GAREM2: variants seen among roughly 807,000 people sequenced by gnomAD.
GAREM2 encodes the protein GRB2 associated regulator of MAPK1 subtype 2.
A neutral mutation model predicts 55.6 loss-of-function variants in GAREM2; 30 were observed. The observed-to-expected ratio is 0.54, with a 90% CI of 0.40 to 0.73. GAREM2 has a LOEUF of 0.73. Ranked by LOEUF, GAREM2 falls within the 30% of genes least tolerant of loss-of-function variation. The probability of loss-of-function intolerance (pLI) is 0.00; values close to 1 mark genes in which losing one functional copy is unlikely to be tolerated. For missense variants in GAREM2, 1,075 were observed against 1,257.7 expected (o/e 0.85, Z 2.20); for synonymous variants, 550 against 569.1 (o/e 0.97, Z 0.48).
chr2:26,196,127 T>A, the GAREM2 span, among the ~76,000 whole-genome samples: 1 of 152,218 alleles, frequency 6.6e-6, no homozygotes, highest in African/African-American at 2.4e-5. Context: ...TACAACCCTA[T>A]GAACTGGTCA....
In GAREM2 at chr2:26,179,977, A is replaced by G. The variant is rs11685594; in HGVS notation, c.254-2990A>G. Reference sequence around the variant, plus strand: ...GGGAGGAGGCGGGAGTGAGGGGAGGAGGCTACTCAGTGCCTGCAGTTCCTG... The same window carrying G: ...GGGAGGAGGCGGGAGTGAGGGGAGGGGGCTACTCAGTGCCTGCAGTTCCTG... On this transcript the variant is annotated intron_variant, in intron 2 of 5. Coordinates refer to ENST00000401533, the MANE Select transcript of GAREM2 (RefSeq NM_001168241.2). The surrounding 1 kb of genome is among the most constrained non-coding windows in gnomAD (Gnocchi z 4.7). Among the ~76,000 whole-genome samples, 125,096 of 151,838 alleles carry G rather than the reference A, an allele frequency of 0.82. 51,976 individuals are homozygous for G. The highest frequency in any genetic ancestry group is 0.95 in the African/African-American group (39,226 of 41,448).
chr2:26,193,431 T>G (rs2147751779), downstream of GAREM2: 1 of 785,830 alleles, frequency 1.3e-6, no homozygotes, highest in African/African-American at 1.7e-5. Context: ...ACCTGACTCA[T>G]AAAATCATTT....
chr2:26,186,430 T>C (rs1669262257), intron 5 of GAREM2, 72 bp downstream of exon 5: 14 of 1,399,696 alleles, frequency 1.0e-5, no homozygotes, highest in Middle Eastern at 3.5e-4. Flanking sequence ...GAGGGGGAAC[T>C]ACAGTGCTGA....
At chr2:26,202,623 C>T in the GAREM2 span, among the ~76,000 whole-genome samples, 1 of 152,220 alleles carries the variant, frequency 6.6e-6, no homozygotes, top group Non-Finnish European at 1.5e-5. Context: ...TGCCTGTAGT[C>T]TCAGCTATTC....
At chr2:26,182,529 A>T (rs1268254628) in intron 2 of GAREM2, 1 of 1,535,174 alleles carries the variant, frequency 6.5e-7, no homozygotes. Context: ...ACCCCCTCAG[A>T]TGAGGACCCA....
the GAREM2 span, among the ~76,000 whole-genome samples, chr2:26,198,255 C>A: frequency 6.6e-6 from 1 of 152,138 alleles, no homozygotes; most frequent in Admixed American, 6.5e-5. Flanking sequence ...CGGCATACCA[C>A]TATAGTTGCA....
At position 26,184,590 on chromosome 2, in the gene GAREM2, C is replaced by G. The variant is rs866778702; in HGVS notation, c.742C>G (p.Gln248Glu). 1 of 1,548,368 alleles carries G rather than the reference C, an allele frequency of 6.5e-7. No homozygotes were observed. Among genetic ancestry groups the G allele is most frequent in the Non-Finnish European group, 8.7e-7 (1 of 1,146,124 alleles). Residue 248 changes from glutamine (Q) to glutamate (E), a missense_variant, in exon 4 of 6, where the codon CAA (glutamine) becomes GAA (glutamate). Physicochemically the swap from Gln to Glu is conservative, Grantham distance 29 (BLOSUM62 2). Around this residue, in one of 6 missense-constraint regions of GAREM2, gnomAD observed 170 missense variants for 220.7 expected, o/e 0.77. Coordinates refer to ENST00000401533, the MANE Select transcript of GAREM2 (RefSeq NM_001168241.2). Reference sequence around the variant, plus strand: ...TCGCAGCCCGCTGGAGCTGCAGATGCAAGAGGGCGAGCACACGGTGCGCGC... The same window carrying G: ...TCGCAGCCCGCTGGAGCTGCAGATGGAAGAGGGCGAGCACACGGTGCGCGC... ...STRSPLELQMQEGEHTVRAII... is the reference protein window; with the variant it reads ...STRSPLELQMEEGEHTVRAII...
At chr2:26,193,794 G>A (rs1553312069), downstream of GAREM2, 1 of 1,602,400 alleles carries the variant, frequency 6.2e-7, no homozygotes. Flanking sequence ...GCGATGCAGG[G>A]ACCTCAGGGG....
downstream of GAREM2, among the ~76,000 whole-genome samples, chr2:26,192,705 A>G (rs537454841): frequency 5.9e-5 from 9 of 152,230 alleles, no homozygotes; most frequent in South Asian, 1.9e-3. Context: ...ACTGCACTCC[A>G]GCCTGGGCAA....
chr2:26,187,538 C>A lies in GAREM2; in HGVS notation c.1906C>A (p.Pro636Thr), dbSNP rs1008065863. 8 of 1,534,142 alleles carry A rather than the reference C, an allele frequency of 5.2e-6. No homozygotes were observed. Among genetic ancestry groups the A allele is most frequent in the South Asian group, 3.7e-5 (3 of 81,320 alleles). Reference protein sequence around the residue: ...PFGALNPFSGPAYPSGPSAAL... With the variant: ...PFGALNPFSGTAYPSGPSAAL... ...TGGAGCTCTCAACCCTTTTTCCGGGCCTGCCTACCCCTCAGGCCCTTCAGC... is the reference window on the plus strand; with the variant it reads ...TGGAGCTCTCAACCCTTTTTCCGGGACTGCCTACCCCTCAGGCCCTTCAGC... The change falls in exon 6 of 6, where the codon CCT (proline) becomes ACT (threonine). Residue 636 changes from proline (P) to threonine (T), a missense_variant. Pro to Thr is a conservative substitution (Grantham distance 38). This residue lies in a region of GAREM2 where 515 missense variants were observed against 501.5 expected (regional missense o/e 1.03). Coordinates refer to ENST00000401533, the MANE Select transcript of GAREM2 (RefSeq NM_001168241.2).
chr2:26,204,234 T>A, the GAREM2 span: 5 of 1,602,832 alleles, frequency 3.1e-6, no homozygotes, highest in Non-Finnish European at 4.3e-6. Flanking sequence ...GGTAAACTGA[T>A]CTTAATCATT....
chr2:26,173,304 C>T lies in GAREM2; in HGVS notation c.84C>T (p.Arg28=), dbSNP rs2147715755. ...FPLDLIVSRC[R]LPTLACLGPG... is the part of the protein sequence containing the mutation. ...TCGACCTCATCGTCAGCCGCTGCCGCCTGCCCACGCTCGCCTGCCTTGGGC... is the reference window on the plus strand; with the variant it reads ...TCGACCTCATCGTCAGCCGCTGCCGTCTGCCCACGCTCGCCTGCCTTGGGC... Residue 28 remains arginine (R), a synonymous_variant, in exon 1 of 6, where the codon CGC becomes CGT. Transcript: ENST00000401533. The T allele has an allele frequency of 2.8e-6, 4 of 1,434,576 alleles. No homozygotes were observed. Among genetic ancestry groups the T allele is most frequent in the Middle Eastern group, 4.8e-4 (2 of 4,192 alleles). The allele number at this position is 1,434,576 out of a possible 1,614,324, so 88.9% of individuals were successfully genotyped here.
the GAREM2 span, chr2:26,194,718 TTCAAAG>T: frequency 3.0e-5 from 27 of 902,594 alleles, no homozygotes; most frequent in Admixed American, 2.3e-4. Flanking sequence ...CCAGGGTCAC[TTCAAAG>T]TCATTTGAAA....
chr2:26,187,453 C>T lies in GAREM2; in HGVS notation c.1821C>T (p.Thr607=). 2 of 1,548,612 alleles carry T rather than the reference C, an allele frequency of 1.3e-6. No homozygotes were observed. The highest frequency in any genetic ancestry group is 8.7e-7 in the Non-Finnish European group (1 of 1,145,590). The stretch of plus-strand genomic sequence containing the variant: ...TGGGGGCTGACACCCCTGTTAAGAC[C>T]TACCACAGCTGCCCTCCTCTATTCA... ...SLLGADTPVK[T]YHSCPPLFKP... is the part of the protein sequence containing the mutation. Residue 607 remains threonine, a synonymous_variant, in exon 6 of 6, where the codon ACC becomes ACT. Transcript: ENST00000401533.
At position 26,188,553 on chromosome 2, in the gene GAREM2, T is replaced by A. The variant is rs1330019411; in HGVS notation, c.*296T>A. On this transcript the variant is annotated 3_prime_UTR_variant, in exon 6 of 6. Transcript: ENST00000401533. ...TGATTCCCACAACGGGGTCAAAAGCTGGCCTTCAGGGTGACCTAACACCAC... is the reference window on the plus strand; with the variant it reads ...TGATTCCCACAACGGGGTCAAAAGCAGGCCTTCAGGGTGACCTAACACCAC... 3.2e-6 allele frequency: 1 copy of A among 313,968 alleles called. No homozygotes were observed. Among genetic ancestry groups the A allele is most frequent in the Non-Finnish European group, 5.8e-6 (1 of 172,306 alleles). 19.4% of individuals were successfully genotyped at this position (313,968 alleles called of 1,614,324 possible). A position where few individuals can be genotyped will look rare whatever the true frequency, so the allele number is the denominator to read the frequency against.
At chr2:26,182,855 C>T in intron 2 of GAREM2, 112 bp from the exon 3 acceptor site, 1 of 1,365,894 alleles carries the variant, frequency 7.3e-7, no homozygotes, top group Non-Finnish European at 1.0e-6. Flanking sequence ...TCCTGAGTTC[C>T]TGAGGGGCTG....
intron 2 of GAREM2, chr2:26,182,483 G>GTCAGAT (rs1669083595): frequency 6.4e-7 from 1 of 1,550,508 alleles, no homozygotes; most frequent in African/African-American, 1.4e-5. Context: ...TGCACAGGAT[G>GTCAGAT]CCAGATCCAG....
At position 26,187,403 on chromosome 2, in the gene GAREM2, C is replaced by T; in HGVS notation, c.1771C>T (p.Leu591=). Residue 591 remains leucine (L), a synonymous_variant, in exon 6 of 6, where the codon CTG becomes TTG. Coordinates refer to ENST00000401533, the MANE Select transcript of GAREM2 (RefSeq NM_001168241.2). ...SQASRALTEP[L]SGRAASLLGA... Reference sequence around the variant, plus strand: ...GGCCTCCCGGGCCCTCACAGAGCCTCTGAGCGGTCGAGCCGCCTCCCTTCT... The same window carrying T: ...GGCCTCCCGGGCCCTCACAGAGCCTTTGAGCGGTCGAGCCGCCTCCCTTCT... 1 of 1,547,734 alleles carries T rather than the reference C, an allele frequency of 6.5e-7. No homozygotes were observed. The highest frequency in any genetic ancestry group is 8.7e-7 in the Non-Finnish European group (1 of 1,145,056).
intron 2 of GAREM2, among the ~76,000 whole-genome samples, chr2:26,180,449 G>C (rs1432971767): frequency 6.6e-6 from 1 of 152,166 alleles, no homozygotes; most frequent in African/African-American, 2.4e-5. Flanking sequence ...CCACCTGTGG[G>C]CTGGTGACCT....
Sources: allele counts gnomAD v4.1 joint callset (sites outside exome capture counted in the v4.1 genomes callset), GRCh38; gene constraint gnomAD v4.1.1; regional missense constraint gnomAD v4.1.1; non-coding constraint Gnocchi (gnomAD v3.1); transcripts MANE v1.5; gene names NCBI Gene and HGNC (gene_info 2026-07-23, HGNC 2026-07-21).